The following IL1RAPL2 variants were observed in gnomAD, a reference collection of about 807,000 sequenced individuals.
IL1RAPL2 encodes the protein X-linked interleukin-1 receptor accessory protein-like 2.
Under a neutral mutation model 44.1 loss-of-function variants are expected in IL1RAPL2, and 3 were observed. The ratio of observed to expected loss-of-function variants is 0.07; its 90% CI spans 0.03 to 0.18. The LOEUF is 0.18. Ranked by LOEUF, IL1RAPL2 falls within the 10% of genes least tolerant of loss-of-function variation. IL1RAPL2 has a pLI of 1.00. For synonymous variants in IL1RAPL2, 181 were observed against 178.8 expected, an observed-to-expected ratio of 1.01 and a Z score of -0.10; for missense variants, 391 against 496.4, an observed-to-expected ratio of 0.79 and a Z score of 2.02.
At chrX:105,342,384 G>A (rs2035078532) in intron 5 of IL1RAPL2, among the ~76,000 whole-genome samples, 1 of 111,931 alleles carries the variant, frequency 8.9e-6, no homozygotes, top group Admixed American at 9.5e-5. Context: ...TTCATAGAAA[G>A]GTCTATACTG....
intron 2 of IL1RAPL2, among the ~76,000 whole-genome samples, chrX:104,958,710 A>G (rs915426640): frequency 3.7e-5 from 4 of 107,317 alleles, no homozygotes. Flanking sequence ...CATTATCAAA[A>G]TTATTTAATT....
intron 6 of IL1RAPL2, among the ~76,000 whole-genome samples, chrX:105,605,809 A>G (rs1353653704): frequency 2.0e-5 from 1 of 49,304 alleles, no homozygotes; most frequent in East Asian, 6.6e-4. Flanking sequence ...TTTACAGCCA[A>G]ATGATTTTCA....
chrX:104,644,518 A>G (rs1428857845), intron 1 of IL1RAPL2, among the ~76,000 whole-genome samples: 1 of 111,463 alleles, frequency 9.0e-6, no homozygotes, highest in Non-Finnish European at 1.9e-5. Flanking sequence ...GTGTATGTCA[A>G]ATTCTTCCAC....
chrX:104,706,329 A>G (rs1180684167), intron 2 of IL1RAPL2, among the ~76,000 whole-genome samples: 2 of 112,373 alleles, frequency 1.8e-5, no homozygotes, highest in Non-Finnish European at 3.8e-5. Flanking sequence ...TTACAGACTC[A>G]TGTATATCAC....
chrX:105,757,902 G>A (rs1479723335), intron 10 of IL1RAPL2, among the ~76,000 whole-genome samples: 1 of 111,522 alleles, frequency 9.0e-6, no homozygotes, highest in East Asian at 2.8e-4. Flanking sequence ...TTTTTAGCAT[G>A]CATTCAGGAA....
chrX:105,137,856 A>G (rs2033090607), intron 2 of IL1RAPL2, among the ~76,000 whole-genome samples: 1 of 111,871 alleles, frequency 8.9e-6, no homozygotes. Context: ...GCTTGAGCCC[A>G]GGAGTTCTAG....
intron 4 of IL1RAPL2, among the ~76,000 whole-genome samples, chrX:105,258,984 G>T (rs1225564748): frequency 8.9e-6 from 1 of 111,777 alleles, no homozygotes. Context: ...GCATTTGTTT[G>T]TAGGACATAC....
intron 2 of IL1RAPL2, among the ~76,000 whole-genome samples, chrX:105,159,073 C>T (rs2033297727): frequency 1.8e-5 from 2 of 111,809 alleles, no homozygotes; most frequent in Admixed American, 9.5e-5. Flanking sequence ...GCTTTATGCA[C>T]GTTATCTAAT....
intron 5 of IL1RAPL2, among the ~76,000 whole-genome samples, chrX:105,419,523 TTTG>T (rs1384560883): frequency 8.9e-6 from 1 of 112,127 alleles, no homozygotes; most frequent in Admixed American, 9.5e-5. Context: ...GGGGATGTTG[TTTG>T]TTGTTTTCCA....
intron 1 of IL1RAPL2, among the ~76,000 whole-genome samples, chrX:104,617,670 C>T (rs1039519069): frequency 5.4e-5 from 6 of 111,874 alleles, no homozygotes; most frequent in African/African-American, 1.6e-4. Flanking sequence ...TTCTGAAGTT[C>T]CTTAACTGAG....
chrX:104,834,834 C>A (rs1156699896), intron 2 of IL1RAPL2, among the ~76,000 whole-genome samples: 1 of 111,582 alleles, frequency 9.0e-6, no homozygotes, highest in Non-Finnish European at 1.9e-5. Context: ...ACTCCCTTCC[C>A]TCACCCAACA....
intron 6 of IL1RAPL2, among the ~76,000 whole-genome samples, chrX:105,574,411 T>G (rs2037036394): frequency 9.0e-6 from 1 of 111,186 alleles, no homozygotes; most frequent in Non-Finnish European, 1.9e-5. Context: ...CTCCAGGCTA[T>G]CAGGCCAAGC....
intron 5 of IL1RAPL2, among the ~76,000 whole-genome samples, chrX:105,386,086 A>G (rs2035474326): frequency 9.0e-6 from 1 of 111,684 alleles, no homozygotes; most frequent in Non-Finnish European, 1.9e-5. Flanking sequence ...CCAGTTAACA[A>G]ATTATGCCTT....
At chrX:104,947,591 G>A (rs1477098186) in intron 2 of IL1RAPL2, among the ~76,000 whole-genome samples, 4 of 104,245 alleles carry the variant, frequency 3.8e-5, no homozygotes, top group South Asian at 4.7e-4. Context: ...ATTGATTTTT[G>A]TATAAGGTGT....
intron 2 of IL1RAPL2, among the ~76,000 whole-genome samples, chrX:104,840,240 T>C (rs919399061): frequency 1.8e-5 from 2 of 112,125 alleles, no homozygotes; most frequent in Non-Finnish European, 3.8e-5. Context: ...TTTAGCTGTG[T>C]CCCAGAGATT....
chrX:105,099,482 T>C (rs995788796), intron 2 of IL1RAPL2, among the ~76,000 whole-genome samples: 1 of 90,375 alleles, frequency 1.1e-5, no homozygotes, highest in Admixed American at 1.2e-4. Context: ...TTTTTTTTTT[T>C]GAGATGGAGT....
intron 2 of IL1RAPL2, among the ~76,000 whole-genome samples, chrX:104,762,534 C>A (rs1932480531): frequency 8.9e-6 from 1 of 111,967 alleles, no homozygotes; most frequent in South Asian, 3.8e-4. Flanking sequence ...AGGACAGTGG[C>A]CCTCTTCTCA....
Position 104,747,947 on chromosome X carries a change from C to G in IL1RAPL2, c.82+88952C>G, listed in dbSNP as rs148452765. 9.0e-5 allele frequency among the ~76,000 whole-genome samples: 10 copies of G among 111,614 alleles called. No individual in the cohort carries two copies. The East Asian group carries it at 2.6e-3, about 29-fold the overall frequency. On this transcript the variant is annotated intron_variant, in intron 2 of 10. Coordinates refer to ENST00000372582, the MANE Select transcript of IL1RAPL2 (RefSeq NM_017416.2). Reference sequence around the variant, plus strand: ...AGGTCACACACATAGAGACATGGGTCTCCTGTACACCCCCTCCTCATGCCC... The same window carrying G: ...AGGTCACACACATAGAGACATGGGTGTCCTGTACACCCCCTCCTCATGCCC...
chrX:104,586,018 A>G (rs1377751710), intron 1 of IL1RAPL2, among the ~76,000 whole-genome samples: 2 of 111,966 alleles, frequency 1.8e-5, no homozygotes, highest in Non-Finnish European at 3.8e-5. Flanking sequence ...AGGAATTGCC[A>G]CACTGTTTTC....
Sources: allele counts gnomAD v4.1 joint callset (sites outside exome capture counted in the v4.1 genomes callset), GRCh38; gene constraint gnomAD v4.1.1; transcripts MANE v1.5; gene names NCBI Gene and HGNC (gene_info 2026-07-23, HGNC 2026-07-21).